Variants in MRPL34 observed in about 807,000 individuals in gnomAD.
MRPL34 encodes mitochondrial ribosomal protein L34, also known as large ribosomal subunit protein bL34m.
MRPL34 carries 8 observed loss-of-function variants against 6.7 expected under a neutral mutation model. The observed-to-expected ratio is 1.20, with a 90% CI of 0.70 to 2.16. The LOEUF (loss-of-function observed/expected upper bound fraction) is 2.16, where lower values mean the gene tolerates loss of function less well. Among genes scored for constraint, MRPL34 ranks in the 30% most tolerant of loss-of-function variants. MRPL34 has a pLI of 0.00. For missense variants in MRPL34, 146 were observed against 125.5 expected, an observed-to-expected ratio of 1.16 and a Z score of -0.78; for synonymous variants, 59 against 55.1, an observed-to-expected ratio of 1.07 and a Z score of -0.31.
upstream of MRPL34, chr19:17,301,203 G>T (rs1599525728): frequency 4.4e-6 from 7 of 1,598,520 alleles, no homozygotes; most frequent in East Asian, 1.1e-4. Context: ...TGCCGCTGCC[G>T]CTGCCTGCGC....
chr19:17,294,642 C>T, intron 1 of MRPL34: 2 of 1,610,542 alleles, frequency 1.2e-6, no homozygotes, highest in Non-Finnish European at 8.5e-7. Flanking sequence ...TCGCCAGGGC[C>T]AGGATCACGG....
chr19:17,293,098 C>CTTTTT (rs71334701), intron 1 of MRPL34, among the ~76,000 whole-genome samples: 1 of 136,008 alleles, frequency 7.4e-6, no homozygotes, highest in African/African-American at 2.7e-5. Context: ...TCTTTTCTTT[C>CTTTTT]TTTTTTTTTT....
intron 1 of MRPL34, among the ~76,000 whole-genome samples, chr19:17,295,677 G>A (rs1260791790): frequency 6.6e-6 from 1 of 152,092 alleles, no homozygotes; most frequent in African/African-American, 2.4e-5. Context: ...CAAAGTGCGG[G>A]GATTACAGGC....
intron 1 of MRPL34, chr19:17,294,554 C>T (rs764761766): frequency 1.2e-6 from 2 of 1,611,372 alleles, no homozygotes; most frequent in South Asian, 1.1e-5. Flanking sequence ...GCCCGACTGC[C>T]GTGGGGTGCC....
Position 17,305,885 on chromosome 19 carries a change from C to G in MRPL34, c.-8C>G, listed in dbSNP as rs369521426. On this transcript the variant is annotated 5_prime_UTR_variant, in exon 1 of 2. Coordinates refer to ENST00000252602, the MANE Select transcript of MRPL34 (RefSeq NM_023937.4). Reference sequence around the variant, plus strand: ...CCCGCAGCCGGTACTGCGGGACCCACTGCGGATATGGCTGTCTTGGCTGGA... The same window carrying G: ...CCCGCAGCCGGTACTGCGGGACCCAGTGCGGATATGGCTGTCTTGGCTGGA... The G allele has an allele frequency of 1.2e-6, 2 of 1,613,954 alleles. No individual in the cohort carries two copies. The highest frequency in any genetic ancestry group is 2.2e-5 in the East Asian group (1 of 44,890).
At position 17,295,090 on chromosome 19, in the gene MRPL34, A is replaced by ATTTTTTTT. The variant is rs779607230; in HGVS notation, c.214+2255_214+2262dup. Among the ~76,000 whole-genome samples the ATTTTTTTT allele has an allele frequency of 6.2e-4, 50 of 80,416 alleles. 7 individuals carry two copies. Among genetic ancestry groups the ATTTTTTTT allele is most frequent in the African/African-American group, 2.2e-3 (44 of 20,340 alleles). 52.8% of individuals were successfully genotyped at this position (80,416 alleles called of 152,430 possible). ...AGGCGCACACCACCACACCCAGGTA[A>ATTTTTTTT]TTTTTTTTTTTTTTTTTTTTTTTTT... is the stretch of plus-strand genomic sequence containing the variant. On this transcript the variant is annotated intron_variant, in intron 1 of 2. Transcript: ENST00000595444.
intron 1 of MRPL34, among the ~76,000 whole-genome samples, chr19:17,295,923 C>G (rs2074092033): frequency 6.6e-6 from 1 of 152,170 alleles, no homozygotes; most frequent in South Asian, 2.1e-4. Flanking sequence ...GTTGCCCAGG[C>G]TGGTCTTGAA....
At position 17,305,876 on chromosome 19, in the gene MRPL34, C is replaced by T. The variant is rs773705627; in HGVS notation, c.-17C>T. 3.0e-5 allele frequency: 48 copies of T among 1,613,612 alleles called. No individual in the cohort carries two copies. Among genetic ancestry groups the T allele is most frequent in the East Asian group, 1.3e-4 (6 of 44,870 alleles). On this transcript the variant is annotated 5_prime_UTR_variant, in exon 1 of 2. Transcript: ENST00000252602. ...CCGGAATCGCCCGCAGCCGGTACTGCGGGACCCACTGCGGATATGGCTGTC... is the reference window on the plus strand; with the variant it reads ...CCGGAATCGCCCGCAGCCGGTACTGTGGGACCCACTGCGGATATGGCTGTC...
At chr19:17,300,737 C>G, upstream of MRPL34, 1 of 1,326,282 alleles carries the variant, frequency 7.5e-7, no homozygotes, top group Non-Finnish European at 1.0e-6. Flanking sequence ...CTCGGCCTCC[C>G]AAAGTGCTGG....
At chr19:17,297,744 C>CTTTT (rs71334702) in intron 1 of MRPL34, 1 of 130,260 alleles carries the variant, frequency 7.7e-6, no homozygotes, top group African/African-American at 2.8e-5. Flanking sequence ...GTTTTCTTTT[C>CTTTT]TTTTTTTTTT....
intron 1 of MRPL34, among the ~76,000 whole-genome samples, chr19:17,297,116 G>T (rs2044669036): frequency 6.6e-6 from 1 of 152,222 alleles, no homozygotes; most frequent in African/African-American, 2.4e-5. Context: ...GCTGTAATGA[G>T]GAAAGGATAC....
At chr19:17,301,455 G>A (rs148538259), upstream of MRPL34, 388 of 1,611,494 alleles carry the variant, frequency 2.4e-4, 2 homozygotes, top group African/African-American at 1.9e-3. Flanking sequence ...GTGGGGCAGC[G>A]GCTGGGGCGG....
At chr19:17,299,134 G>A (rs922916970), upstream of MRPL34, among the ~76,000 whole-genome samples, 34 of 152,060 alleles carry the variant, frequency 2.2e-4, no homozygotes, top group African/African-American at 7.0e-4. Flanking sequence ...TTTCAGCCTG[G>A]TATAGCGGCT....
chr19:17,295,090 A>ATTTTTTTTTTT (rs779607230), intron 1 of MRPL34, among the ~76,000 whole-genome samples: 3 of 80,416 alleles, frequency 3.7e-5, no homozygotes, highest in African/African-American at 1.5e-4. Context: ...CACCCAGGTA[A>ATTTTTTTTTTT]TTTTTTTTTT....
chr19:17,296,795 A>C (rs1241304965), intron 1 of MRPL34: 1 of 151,862 alleles, frequency 6.6e-6, no homozygotes, highest in Non-Finnish European at 1.5e-5. Context: ...CCCGGGTTCA[A>C]GTGATTCTCC....
In MRPL34 at chr19:17,305,904, G is replaced by C. The variant is rs547875965; in HGVS notation, c.12G>C (p.Leu4Phe). 22 of 1,614,032 alleles carry C rather than the reference G, an allele frequency of 1.4e-5. 1 individual carries two copies. The South Asian group carries it at 2.4e-4, about 18-fold the overall frequency. Residue 4 changes from leucine (L) to phenylalanine (F), a missense_variant, in exon 1 of 2, where the codon TTG becomes TTC. Transcript: ENST00000252602. ...GACCCACTGCGGATATGGCTGTCTT[G>C]GCTGGATCCCTGTTGGGCCCCACGA... MAV[L>F]AGSLLGPTSR... is the part of the protein sequence containing the mutation.
At chr19:17,302,187 C>G (rs2074123425), upstream of MRPL34, 1 of 152,276 alleles carries the variant, frequency 6.6e-6, no homozygotes, top group South Asian at 2.1e-4. Flanking sequence ...GCTTACCCCA[C>G]AGGGTGTCCA....
upstream of MRPL34, among the ~76,000 whole-genome samples, chr19:17,305,241 CTTTTTTTT>C (rs34823570): frequency 1.2e-4 from 14 of 121,224 alleles, no homozygotes; most frequent in Non-Finnish European, 1.4e-4. Context: ...ATTTTTCTTC[CTTTTTTTT>C]TTTTTTTTTT....
intron 1 of MRPL34, chr19:17,296,706 T>C (rs2074095110): frequency 1.3e-5 from 2 of 151,816 alleles, no homozygotes; most frequent in Admixed American, 1.3e-4. Flanking sequence ...TTTTTTTTTT[T>C]TTTTTTGAGA....
Sources: allele counts gnomAD v4.1 joint callset (sites outside exome capture counted in the v4.1 genomes callset), GRCh38; gene constraint gnomAD v4.1.1; transcripts MANE v1.5; gene names NCBI Gene and HGNC (gene_info 2026-07-23, HGNC 2026-07-21).